The following BCAS3 variants were observed in gnomAD, a reference collection of about 807,000 sequenced individuals.
BCAS3 encodes BCAS4/BCAS3 fusion.
In BCAS3, 53 loss-of-function variants were observed where a neutral mutation model predicts 116.1. That is an observed-to-expected ratio of 0.46 (90% CI 0.37 to 0.57). The LOEUF is 0.57. Among genes scored for constraint, BCAS3 ranks in the 20% least tolerant of loss-of-function variants. The pLI, the probability that BCAS3 is intolerant of heterozygous loss-of-function variation, is 0.00. For synonymous variants in BCAS3, 391 were observed against 408.2 expected (o/e 0.96, Z 0.51); for missense variants, 917 against 1,165.4 (o/e 0.79, Z 3.10).
At chr17:60,905,894 T>TAG (rs375706972) in intron 11 of BCAS3, among the ~76,000 whole-genome samples, 28 of 152,312 alleles carry the variant, frequency 1.8e-4, no homozygotes, top group African/African-American at 6.3e-4. Context: ...ATAGCATGTG[T>TAG]AGAGGCTGGC....
chr17:60,977,213 T>C (rs2062459290), intron 14 of BCAS3, among the ~76,000 whole-genome samples: 1 of 152,158 alleles, frequency 6.6e-6, no homozygotes, highest in East Asian at 1.9e-4. Context: ...TCTAAAAATA[T>C]GCATTGCACA....
At position 61,034,900 on chromosome 17, in the gene BCAS3, A is replaced by G. The variant is rs1479764015; in HGVS notation, c.1762+110A>G. On this transcript the variant is annotated intron_variant, in intron 17 of 23. Coordinates refer to ENST00000407086, the MANE Select transcript of BCAS3 (RefSeq NM_017679.5). This position sits in a 1 kb window ranked among gnomAD's most constrained non-coding sequence, Gnocchi z 5.0. ...CTTGTACCCAGTAGTCTGGAAACCAATTTTTTTAATGTAATTAGCATGTCA... is the reference window on the plus strand; with the variant it reads ...CTTGTACCCAGTAGTCTGGAAACCAGTTTTTTTAATGTAATTAGCATGTCA... 4.8e-5 allele frequency: 49 copies of G among 1,019,436 alleles called. No homozygotes were observed. Among genetic ancestry groups the G allele is most frequent in the Non-Finnish European group, 6.0e-5 (42 of 704,272 alleles). The allele number at this position is 1,019,436 out of a possible 1,614,324, so 63.1% of individuals were successfully genotyped here. A position where few individuals can be genotyped will look rare whatever the true frequency, so the allele number is the denominator to read the frequency against.
rs542114028 is a variant in BCAS3 at position 60,921,683 on chromosome 17, G to A, written c.994-2724G>A. ...AACATGGGAACTATTAATAGACACT[G>A]CAGACTACTAGAGTGGGGAGGGAGG... On this transcript the variant is annotated intron_variant, in intron 12 of 23. Transcript: ENST00000407086. Among the ~76,000 whole-genome samples, 5 of 151,064 alleles carry A rather than the reference G, an allele frequency of 3.3e-5. No individual in the cohort carries two copies. In the South Asian group the frequency reaches 6.3e-4, roughly 19 times the overall value.
chr17:61,173,023 C>G (rs80194807), intron 22 of BCAS3, among the ~76,000 whole-genome samples: 2,276 of 145,398 alleles, frequency 0.016, 75 homozygotes, highest in East Asian at 0.12. Flanking sequence ...TTAAGTCATA[C>G]AAAGTGTCTT....
At chr17:60,753,786 A>G (rs577924099) in intron 6 of BCAS3, among the ~76,000 whole-genome samples, 1 of 152,238 alleles carries the variant, frequency 6.6e-6, no homozygotes, top group East Asian at 1.9e-4. Context: ...TCTGATTTTC[A>G]TAGATTTTGG....
chr17:60,737,192 G>A (rs967199418), intron 5 of BCAS3, among the ~76,000 whole-genome samples: 1 of 151,688 alleles, frequency 6.6e-6, no homozygotes, highest in African/African-American at 2.4e-5. Context: ...CACCTGCCTC[G>A]GCCTCCCAAA....
intron 14 of BCAS3, among the ~76,000 whole-genome samples, chr17:60,963,700 C>T (rs1479843270): frequency 3.3e-5 from 5 of 151,834 alleles, no homozygotes; most frequent in East Asian, 1.9e-4. Context: ...GGACCACAGG[C>T]GCCTGCCACC....
chr17:61,169,889 C>G (rs1233587080), intron 22 of BCAS3, among the ~76,000 whole-genome samples: 1 of 152,130 alleles, frequency 6.6e-6, no homozygotes, highest in East Asian at 1.9e-4. Context: ...GAGTCTTGCA[C>G]TGTCGCCCAG....
At chr17:60,844,595 C>T (rs1443835354) in intron 7 of BCAS3, among the ~76,000 whole-genome samples, 1 of 152,004 alleles carries the variant, frequency 6.6e-6, no homozygotes, top group Admixed American at 6.6e-5. Context: ...TTTTGCTTGC[C>T]CTTGGTTCAG....
rs1013288329 is a variant in BCAS3 at position 61,176,293 on chromosome 17, C to A, written c.2425+91729C>A. ...TATTATATATGTATTTAATATATGG[C>A]TAATATATACATTTTTCTGACTTTA... On this transcript the variant is annotated intron_variant, in intron 22 of 23. Transcript: ENST00000407086. Among the ~76,000 whole-genome samples, 13 of 148,852 alleles carry A rather than the reference C, an allele frequency of 8.7e-5. No homozygotes were observed. In the East Asian group the frequency reaches 2.3e-3, roughly 27 times the overall value.
intron 7 of BCAS3, among the ~76,000 whole-genome samples, chr17:60,809,193 A>G (rs1179386640): frequency 6.6e-6 from 1 of 151,506 alleles, no homozygotes; most frequent in Non-Finnish European, 1.5e-5. Flanking sequence ...CTGAGGCACG[A>G]GAATTGCTTG....
chr17:60,828,843 T>G (rs1170495703), intron 7 of BCAS3, among the ~76,000 whole-genome samples: 1 of 152,304 alleles, frequency 6.6e-6, no homozygotes, highest in East Asian at 1.9e-4. Flanking sequence ...GTTTCTTAAC[T>G]GAGGGAAAAA....
chr17:61,146,618 A>G (rs949258582), intron 22 of BCAS3, among the ~76,000 whole-genome samples: 1 of 152,200 alleles, frequency 6.6e-6, no homozygotes, highest in Non-Finnish European at 1.5e-5. Flanking sequence ...AAATGATAGA[A>G]TCTTGAGCTA....
rs2049596107 is a variant in BCAS3 at position 61,265,389 on chromosome 17, A to C, written c.2426-102938A>C. On this transcript the variant is annotated intron_variant, in intron 22 of 23. Coordinates refer to ENST00000407086, the MANE Select transcript of BCAS3 (RefSeq NM_017679.5). The surrounding 1 kb of genome is among the most constrained non-coding windows in gnomAD (Gnocchi z 4.3). ...ATTGCACTCCAGCCTGGGTAACAAG[A>C]GTGAAACTCTGTCTCAAGAAAAAAA... Among the ~76,000 whole-genome samples, 1 of 151,660 alleles carries C rather than the reference A, an allele frequency of 6.6e-6. No homozygotes were observed. The highest frequency in any genetic ancestry group is 1.5e-5 in the Non-Finnish European group (1 of 67,916).
rs550155768 is a variant in BCAS3, at chr17:61,043,659, C to T, written c.2029+2767C>T. 5.9e-5 allele frequency among the ~76,000 whole-genome samples: 9 copies of T among 152,010 alleles called. No homozygotes were observed. In the South Asian group the frequency reaches 1.2e-3, roughly 21 times the overall value. On this transcript the variant is annotated intron_variant, in intron 19 of 23. Transcript: ENST00000407086. Reference sequence around the variant, plus strand: ...CATTGTGTCCCAGGCTGAGTAAATACGGGCCTGTGTGTGCGAGAGTGCCCT... The same window carrying T: ...CATTGTGTCCCAGGCTGAGTAAATATGGGCCTGTGTGTGCGAGAGTGCCCT...
chr17:60,709,546 C>T, intron 5 of BCAS3: 1 of 370,112 alleles, frequency 2.7e-6, no homozygotes, highest in Non-Finnish European at 5.0e-6. Flanking sequence ...TGTGTCACCA[C>T]ACCCAGGTAA....
At chr17:60,952,346 G>A (rs2060890080) in intron 14 of BCAS3, among the ~76,000 whole-genome samples, 1 of 151,194 alleles carries the variant, frequency 6.6e-6, no homozygotes, top group African/African-American at 2.4e-5. Flanking sequence ...TTGAGACAGA[G>A]TCTTGCTCTG....
At position 61,229,825 on chromosome 17, in the gene BCAS3, G is replaced by A. The variant is rs1230425647; in HGVS notation, c.2426-138502G>A. On this transcript the variant is annotated intron_variant, in intron 22 of 23. Transcript: ENST00000407086. The surrounding 1 kb of genome is among the most constrained non-coding windows in gnomAD (Gnocchi z 4.4). ...CTCCTGAAGCTAGGCTTTTATCTTC[G>A]AATTATAAGATAGTGTTGGCTGGGC... Among the ~76,000 whole-genome samples, 1 of 152,108 alleles carries A rather than the reference G, an allele frequency of 6.6e-6. No individual in the cohort carries two copies. The highest frequency in any genetic ancestry group is 2.4e-5 in the African/African-American group (1 of 41,424).
chr17:61,041,476 ATTT>A lies in BCAS3; in HGVS notation c.2029+585_2029+587del, dbSNP rs1274035649. ...GGGAGTCATTTAAAGGCAATTTAGTATTTATTATCCAGTTTGCGTTTATAGAAT... is the reference window on the plus strand; with the variant it reads ...GGGAGTCATTTAAAGGCAATTTAGTAATTATCCAGTTTGCGTTTATAGAAT... On this transcript the variant is annotated intron_variant, in intron 19 of 23. Coordinates refer to ENST00000407086, the MANE Select transcript of BCAS3 (RefSeq NM_017679.5). This position sits in a 1 kb window ranked among gnomAD's most constrained non-coding sequence, Gnocchi z 4.7. 1.3e-5 allele frequency among the ~76,000 whole-genome samples: 2 copies of A among 149,784 alleles called. No homozygotes were observed. Among genetic ancestry groups the A allele is most frequent in the Non-Finnish European group, 3.0e-5 (2 of 66,506 alleles).
Sources: allele counts gnomAD v4.1 joint callset (sites outside exome capture counted in the v4.1 genomes callset), GRCh38; gene constraint gnomAD v4.1.1; non-coding constraint Gnocchi (gnomAD v3.1); transcripts MANE v1.5; gene names NCBI Gene and HGNC (gene_info 2026-07-23, HGNC 2026-07-21).